Variants in ELL2 observed in about 807,000 individuals in gnomAD.
The protein encoded by ELL2 is RNA polymerase II elongation factor ELL2.
A neutral mutation model predicts 72.8 loss-of-function variants in ELL2; 21 were observed. That is an observed-to-expected ratio of 0.29 (90% confidence interval 0.20 to 0.42). ELL2 has a LOEUF of 0.42. ELL2 is among the 10% of genes least tolerant of loss of function. The pLI, the probability that ELL2 is intolerant of heterozygous loss-of-function variation, is 1.00. For synonymous variants in ELL2, 266 were observed against 283.2 expected (o/e 0.94, Z 0.61); for missense variants, 568 against 772.8 (o/e 0.73, Z 3.14).
intron 1 of ELL2, among the ~76,000 whole-genome samples, chr5:95,949,755 C>G (rs1580536316): frequency 6.8e-6 from 1 of 147,082 alleles, no homozygotes; most frequent in African/African-American, 2.5e-5. Context: ...TTGCCCAAAA[C>G]AAAAAAACTT....
At chr5:95,909,830 T>G (rs566300087) in intron 4 of ELL2, among the ~76,000 whole-genome samples, 1 of 152,228 alleles carries the variant, frequency 6.6e-6, no homozygotes, top group Non-Finnish European at 1.5e-5. Context: ...CTCAGTCTAA[T>G]GGCTTTGAGT....
At chr5:95,911,641 C>T (rs929620335) in intron 4 of ELL2, among the ~76,000 whole-genome samples, 6 of 152,166 alleles carry the variant, frequency 3.9e-5, no homozygotes, top group African/African-American at 7.2e-5. Context: ...CCATCGCACC[C>T]GGCCTTGCTC....
intron 2 of ELL2, among the ~76,000 whole-genome samples, chr5:95,939,134 A>T (rs555797970): frequency 6.6e-6 from 1 of 152,322 alleles, no homozygotes; most frequent in South Asian, 2.1e-4. Context: ...TTACACACCT[A>T]TTGCCAAGAT....
chr5:95,925,537 G>T (rs1236679597), intron 2 of ELL2, among the ~76,000 whole-genome samples: 2 of 152,080 alleles, frequency 1.3e-5, no homozygotes, highest in African/African-American at 2.4e-5. Context: ...TGAATATATT[G>T]TCAGCACCTC....
intron 4 of ELL2, among the ~76,000 whole-genome samples, chr5:95,907,292 A>ACATTTTTTTTTTTT (rs1554075681): frequency 1.4e-4 from 11 of 76,042 alleles, no homozygotes; most frequent in African/African-American, 8.2e-4. Context: ...ATATATATAT[A>ACATTTTTTTTTTTT]TATATTTTTT....
intron 4 of ELL2, among the ~76,000 whole-genome samples, chr5:95,909,216 G>A (rs1024358918): frequency 6.6e-6 from 1 of 152,172 alleles, no homozygotes; most frequent in Non-Finnish European, 1.5e-5. Flanking sequence ...GACAGAACTA[G>A]AGTTTTACTT....
chr5:95,936,472 C>T (rs1182861605), intron 2 of ELL2, among the ~76,000 whole-genome samples: 3 of 152,146 alleles, frequency 2.0e-5, no homozygotes, highest in South Asian at 2.1e-4. Flanking sequence ...CACTGATCTC[C>T]AAGGTGAAAC....
At chr5:95,889,167 C>A (rs770008048) in intron 10 of ELL2, 37 bp from the exon 11 acceptor site, 1 of 1,522,068 alleles carries the variant, frequency 6.6e-7, no homozygotes, top group Non-Finnish European at 9.0e-7. Flanking sequence ...AAGAGAACAA[C>A]TTCTTTTGTG....
At chr5:95,948,641 G>C (rs1478980646) in intron 1 of ELL2, among the ~76,000 whole-genome samples, 1 of 152,066 alleles carries the variant, frequency 6.6e-6, no homozygotes, top group Non-Finnish European at 1.5e-5. Flanking sequence ...TCAACTCATT[G>C]TATCTTTAAA....
intron 3 of ELL2, among the ~76,000 whole-genome samples, chr5:95,916,940 T>C (rs937132410): frequency 1.3e-5 from 2 of 152,190 alleles, no homozygotes; most frequent in African/African-American, 4.8e-5. Flanking sequence ...AAGCTGAACA[T>C]ACTGCCCCTC....
intron 2 of ELL2, among the ~76,000 whole-genome samples, chr5:95,924,993 T>C (rs1424243163): frequency 6.6e-6 from 1 of 152,230 alleles, no homozygotes; most frequent in Non-Finnish European, 1.5e-5. Flanking sequence ...ATGTGAATGC[T>C]AACATCTGCT....
intron 4 of ELL2, among the ~76,000 whole-genome samples, chr5:95,912,403 T>C (rs573970617): frequency 6.6e-6 from 1 of 152,304 alleles, no homozygotes; most frequent in South Asian, 2.1e-4. Context: ...CCTCACTGTT[T>C]ATAAAATGGT....
chr5:95,934,405 T>C (rs1196996445), intron 2 of ELL2, among the ~76,000 whole-genome samples: 2 of 152,178 alleles, frequency 1.3e-5, no homozygotes, highest in African/African-American at 2.4e-5. Flanking sequence ...GAACCTCATC[T>C]TTTAAAATTC....
At chr5:95,943,376 C>A (rs1052388054) in intron 1 of ELL2, among the ~76,000 whole-genome samples, 1 of 151,952 alleles carries the variant, frequency 6.6e-6, no homozygotes, top group African/African-American at 2.4e-5. Flanking sequence ...ATTAAGATGC[C>A]TTGGATGAAC....
intron 2 of ELL2, among the ~76,000 whole-genome samples, chr5:95,922,824 T>A (rs550272657): frequency 6.6e-4 from 100 of 151,572 alleles, no homozygotes; most frequent in Non-Finnish European, 1.1e-3. Context: ...TTTTAAAAAA[T>A]CATAATCCAT....
intron 4 of ELL2, among the ~76,000 whole-genome samples, chr5:95,907,980 C>T (rs1352686300): frequency 1.3e-5 from 2 of 152,210 alleles, no homozygotes; most frequent in East Asian, 3.8e-4. Flanking sequence ...TCCATCCTAC[C>T]TCCAGTAAGG....
chr5:95,944,432 G>A (rs1406619449), intron 1 of ELL2, among the ~76,000 whole-genome samples: 1 of 152,196 alleles, frequency 6.6e-6, no homozygotes, highest in African/African-American at 2.4e-5. Flanking sequence ...TGGTGTGGGA[G>A]AAGTGAGCTT....
intron 4 of ELL2, among the ~76,000 whole-genome samples, chr5:95,907,294 A>ATTTTTTTTTTTTT (rs201354039): frequency 1.8e-4 from 14 of 79,574 alleles, no homozygotes; most frequent in South Asian, 4.9e-4. Context: ...ATATATATAT[A>ATTTTTTTTTTTTT]TATTTTTTTT....
intron 1 of ELL2, 134 bp downstream of exon 1, chr5:95,961,441 C>G: frequency 8.6e-7 from 1 of 1,165,492 alleles, no homozygotes; most frequent in Non-Finnish European, 1.1e-6. Flanking sequence ...CCGGCCCTGC[C>G]CTGCCTGGCC....
Sources: gnomAD v4.1 joint callset for allele counts (sites outside exome capture counted in the v4.1 genomes callset) on GRCh38, gnomAD v4.1.1 for gene constraint, MANE v1.5 for transcripts, NCBI Gene and HGNC (gene_info 2026-07-23, HGNC 2026-07-21) for gene names.